Variants in GOLGA4 observed in about 807,000 individuals in gnomAD.
GOLGA4 encodes golgin A4.
GOLGA4 carries 169 observed loss-of-function variants against 265.9 expected under a neutral mutation model. That is an observed-to-expected ratio of 0.64 (90% CI 0.56 to 0.72). The LOEUF is 0.72. Ranked by LOEUF, GOLGA4 falls within the 30% of genes least tolerant of loss-of-function variation. The probability of loss-of-function intolerance (pLI) is 0.00; values close to 1 mark genes in which losing one functional copy is unlikely to be tolerated. For synonymous variants in GOLGA4, 923 were observed against 855.8 expected (o/e 1.08, Z -1.37); for missense variants, 2,482 against 2,483.4 (o/e 1.00, Z 0.01).
In GOLGA4 at chr3:37,263,202, CTAGTTT is replaced by C. The variant is rs2096774647; in HGVS notation, c.162+11719_162+11724del. The stretch of plus-strand genomic sequence containing the variant: ...ATGTTCAGTACAGTAACAGGATGGA[CTAGTTT>C]GTAGCGTAGGAGCAATAGGCTCTAC... On this transcript the variant is annotated intron_variant, in intron 2 of 23. Coordinates refer to ENST00000361924, the MANE Select transcript of GOLGA4 (RefSeq NM_002078.5). 2.6e-5 allele frequency among the ~76,000 whole-genome samples: 4 copies of C among 152,254 alleles called. No homozygotes were observed. The South Asian group carries it at 8.3e-4, about 32-fold the overall frequency.
chr3:37,289,105 C>T, intron 4 of GOLGA4, 130 bp from the exon 5 acceptor site: 1 of 570,834 alleles, frequency 1.8e-6, no homozygotes, highest in Non-Finnish European at 3.1e-6. Flanking sequence ...TTAGGCTTGT[C>T]CTCTATCTTC....
At chr3:37,286,244 C>T (rs186825168) in intron 4 of GOLGA4, among the ~76,000 whole-genome samples, 183 bp downstream of exon 4, 2,322 of 147,796 alleles carry the variant, frequency 0.016, 30 homozygotes, top group South Asian at 0.049. Flanking sequence ...AGCTCCGCCT[C>T]CCGGGTTCAC....
intron 19 of GOLGA4, among the ~76,000 whole-genome samples, chr3:37,338,114 C>T (rs893664441): frequency 1.3e-5 from 2 of 152,064 alleles, no homozygotes; most frequent in Non-Finnish European, 2.9e-5. Context: ...TATTGATGGA[C>T]AATATATGTA....
In GOLGA4 at chr3:37,268,434, T is replaced by C. The variant is rs1421849102; in HGVS notation, c.163-13524T>C. ...AATATTGCTTTATATTTTCATGTAG[T>C]AGTAATAGAAGCTATTAAAAAAAAA... is the stretch of plus-strand genomic sequence containing the variant. On this transcript the variant is annotated intron_variant, in intron 2 of 23. Coordinates refer to ENST00000361924, the MANE Select transcript of GOLGA4 (RefSeq NM_002078.5). Among the ~76,000 whole-genome samples, 3 of 151,868 alleles carry C rather than the reference T, an allele frequency of 2.0e-5. No homozygotes were observed. In the East Asian group the frequency reaches 5.8e-4, roughly 29 times the overall value.
intron 2 of GOLGA4, among the ~76,000 whole-genome samples, chr3:37,266,136 C>A (rs895845547): frequency 6.6e-5 from 10 of 151,426 alleles, no homozygotes; most frequent in African/African-American, 1.9e-4. Flanking sequence ...GTGTCTGAAA[C>A]TATGTCCTGT....
At chr3:37,286,779 T>C (rs1559384048) in intron 4 of GOLGA4, among the ~76,000 whole-genome samples, 1 of 152,224 alleles carries the variant, frequency 6.6e-6, no homozygotes, top group Non-Finnish European at 1.5e-5. Flanking sequence ...CTTATCATTA[T>C]ATCAGGGTCC....
chr3:37,328,280 ACTCTCTCTCT>A (rs5847960), intron 14 of GOLGA4, 126 bp from the exon 15 acceptor site: 49 of 685,612 alleles, frequency 7.1e-5, no homozygotes, highest in East Asian at 1.7e-4. Flanking sequence ...TCACTCTCAC[ACTCTCTCTCT>A]CTCTCTCTCT....
chr3:37,256,985 A>C (rs78883197), intron 2 of GOLGA4, among the ~76,000 whole-genome samples: 2,785 of 152,158 alleles, frequency 0.018, 42 homozygotes, highest in Non-Finnish European at 0.028. Context: ...CGTTCAGTAC[A>C]TTCCCAGTGT....
intron 1 of GOLGA4, 126 bp from the exon 2 acceptor site, chr3:37,251,269 C>T (rs1438642921): frequency 1.0e-5 from 6 of 601,502 alleles, no homozygotes; most frequent in Admixed American, 3.1e-5. Context: ...TTCTGCTTTT[C>T]GTGTTTTTGC....
intron 10 of GOLGA4, among the ~76,000 whole-genome samples, chr3:37,303,065 C>G (rs766343169): frequency 8.5e-5 from 13 of 152,198 alleles, no homozygotes; most frequent in Admixed American, 2.0e-4. Context: ...GCTACAATGC[C>G]GTAAACAGGC....
At position 37,328,968 on chromosome 3, in the gene GOLGA4, G is replaced by A. The variant is rs2096981219; in HGVS notation, c.6067G>A (p.Ala2023Thr). 6.2e-7 allele frequency: 1 copy of A among 1,600,204 alleles called. No homozygotes were observed. The highest frequency in any genetic ancestry group is 8.5e-7 in the Non-Finnish European group (1 of 1,175,162). ...EMTIKETINK[A>T]QEVEAELLES... ...TGTTCATTTTTATTTATTAGATAAG[G>A]CCCAGGAGGTGGAGGCTGAACTTTT... Residue 2023 changes from alanine (A) to threonine (T), a missense_variant, in exon 16 of 24, where the codon GCC (alanine) becomes ACC (threonine). Coordinates refer to ENST00000361924, the MANE Select transcript of GOLGA4 (RefSeq NM_002078.5).
intron 10 of GOLGA4, among the ~76,000 whole-genome samples, chr3:37,309,331 G>A (rs1462722345): frequency 4.0e-5 from 6 of 151,856 alleles, no homozygotes; most frequent in Admixed American, 1.3e-4. Context: ...CGAGGCGGGC[G>A]GATTACCTGA....
intron 2 of GOLGA4, among the ~76,000 whole-genome samples, chr3:37,270,172 G>T (rs1322324697): frequency 6.7e-6 from 1 of 148,862 alleles, no homozygotes; most frequent in Non-Finnish European, 1.5e-5. Context: ...GGGTTTATAG[G>T]CATGAGCCAC....
chr3:37,339,462 T>C (rs1440951673), intron 19 of GOLGA4, among the ~76,000 whole-genome samples: 1 of 152,186 alleles, frequency 6.6e-6, no homozygotes, highest in African/African-American at 2.4e-5. Context: ...TTTAACTTTT[T>C]GAGGAACTGC....
intron 19 of GOLGA4, among the ~76,000 whole-genome samples, chr3:37,338,627 C>T (rs894498562): frequency 6.6e-6 from 1 of 152,124 alleles, no homozygotes; most frequent in Non-Finnish European, 1.5e-5. Context: ...TTAGAGTACA[C>T]AGTTCATTGA....
intron 3 of GOLGA4, among the ~76,000 whole-genome samples, chr3:37,283,788 A>G (rs1467845874): frequency 6.6e-6 from 1 of 152,114 alleles, no homozygotes; most frequent in African/African-American, 2.4e-5. Flanking sequence ...CAGCCTCCCA[A>G]AGGGCTGTTC....
In GOLGA4 at chr3:37,302,190, G is replaced by A. The variant is rs2096894727; in HGVS notation, c.1092G>A (p.Met364Ile). ...GAGTCTTCACTTCTATTCAGGGAAT[G>A]GTAATCGCAGAGACAAAACGTCAGA... ...LIEQLEQDKG[M>I]VIAETKRQMH... Residue 364 changes from methionine to isoleucine, a missense_variant, in exon 10 of 24, where the codon ATG (methionine) becomes ATA (isoleucine). Around this residue, in one of 3 missense-constraint regions of GOLGA4, gnomAD observed 1,536 missense variants for 1,483.7 expected, o/e 1.04. Transcript: ENST00000361924. 1 of 1,612,744 alleles carries A rather than the reference G, an allele frequency of 6.2e-7. No homozygotes were observed. Among genetic ancestry groups the A allele is most frequent in the Non-Finnish European group, 8.5e-7 (1 of 1,178,940 alleles).
At chr3:37,269,820 A>C (rs1338449918) in intron 2 of GOLGA4, among the ~76,000 whole-genome samples, 1 of 149,738 alleles carries the variant, frequency 6.7e-6, no homozygotes, top group Non-Finnish European at 1.5e-5. Context: ...ATATATGAGG[A>C]GAAGTTTTTA....
At chr3:37,284,854 A>G (rs2096844186) in intron 3 of GOLGA4, among the ~76,000 whole-genome samples, 2 of 152,114 alleles carry the variant, frequency 1.3e-5, no homozygotes, top group South Asian at 2.1e-4. Flanking sequence ...TTTGGTAGAC[A>G]TGGCGTTGCC....
Sources: gnomAD v4.1 joint callset for allele counts (sites outside exome capture counted in the v4.1 genomes callset) on GRCh38, gnomAD v4.1.1 for gene constraint, gnomAD v4.1.1 regional missense constraint, MANE v1.5 for transcripts, NCBI Gene and HGNC (gene_info 2026-07-23, HGNC 2026-07-21) for gene names.